The following DOCK4 variants were observed in gnomAD, a reference collection of about 807,000 sequenced individuals.
DOCK4 encodes the protein dedicator of cytokinesis 4.
A neutral mutation model predicts 268.1 loss-of-function variants in DOCK4; 97 were observed. That is an observed-to-expected ratio of 0.36 (90% CI 0.31 to 0.43). The LOEUF (loss-of-function observed/expected upper bound fraction) is 0.43. DOCK4 is among the 20% of genes least tolerant of loss of function. The pLI, the probability that DOCK4 is intolerant of heterozygous loss-of-function variation, is 1.00. For synonymous variants in DOCK4, 954 were observed against 887.2 expected, an observed-to-expected ratio of 1.08 and a Z score of -1.34; for missense variants, 2,145 against 2,455.7, an observed-to-expected ratio of 0.87 and a Z score of 2.67.
At chr7:111,800,322 TA>T (rs994621062) in intron 30 of DOCK4, among the ~76,000 whole-genome samples, 3 of 151,958 alleles carry the variant, frequency 2.0e-5, no homozygotes, top group South Asian at 4.1e-4. Flanking sequence ...GTGGAAGCTA[TA>T]AAAAAATTAA....
chr7:111,816,680 A>C lies in DOCK4; in HGVS notation c.2931-4731T>G, dbSNP rs1289637574. On this transcript the variant is annotated intron_variant, in intron 27 of 52. Coordinates refer to ENST00000428084, the MANE Select transcript of DOCK4 (RefSeq NM_001363540.2). The stretch of plus-strand genomic sequence containing the variant: ...TCTGGCCTTTTTTACCACTGCATCC[A>C]CAGGGGCAGAGACTAGTAAGTGTAT... 2.0e-5 allele frequency among the ~76,000 whole-genome samples: 3 copies of C among 152,224 alleles called. No homozygotes were observed. The East Asian group carries it at 5.8e-4, about 29-fold the overall frequency.
At chr7:111,821,350 G>T (rs980938525) in intron 27 of DOCK4, 1 of 152,222 alleles carries the variant, frequency 6.6e-6, no homozygotes, top group African/African-American at 2.4e-5. Flanking sequence ...GAGGAAGAAG[G>T]GGAAGCAGGC....
intron 34 of DOCK4, among the ~76,000 whole-genome samples, chr7:111,783,534 G>T (rs549921962): frequency 6.6e-6 from 1 of 151,522 alleles, no homozygotes; most frequent in Non-Finnish European, 1.5e-5. Context: ...GGTTCTACTG[G>T]TTCTAGGGGC....
At chr7:111,943,362 C>T (rs1398642891) in intron 10 of DOCK4, among the ~76,000 whole-genome samples, 1 of 152,202 alleles carries the variant, frequency 6.6e-6, no homozygotes, top group Non-Finnish European at 1.5e-5. Flanking sequence ...AAGGCACATA[C>T]TCACTTTGCT....
At position 111,895,697 on chromosome 7, in the gene DOCK4, T is replaced by C; in HGVS notation, c.1502A>G (p.Lys501Arg). The C allele has an allele frequency of 6.2e-7, 1 of 1,613,940 alleles. No individual in the cohort carries two copies. The highest frequency in any genetic ancestry group is 1.1e-5 in the South Asian group (1 of 91,084). The change falls in exon 16 of 53, where the codon AAG (lysine) becomes AGG (arginine). Residue 501 changes from lysine (K) to arginine (R), a missense_variant. Lys to Arg is a conservative substitution (Grantham distance 26). Transcript: ENST00000428084. Reference protein sequence around the residue: ...HCSTKEKGEKKLFGFSFVPLM... With the variant: ...HCSTKEKGEKRLFGFSFVPLM... ...AGGGACAAAAGAAAACCCAAACAAC[T>C]TCTTCTCTCCTTTCTCCTTTGCTGT...
At chr7:111,836,878 C>T (rs1803282232) in intron 25 of DOCK4, among the ~76,000 whole-genome samples, 2 of 151,968 alleles carry the variant, frequency 1.3e-5, no homozygotes, top group African/African-American at 4.8e-5. Flanking sequence ...CAGAAAAAAG[C>T]ATCAGTGAAC....
At chr7:112,071,690 C>A (rs1325754366) in intron 1 of DOCK4, among the ~76,000 whole-genome samples, 2 of 152,176 alleles carry the variant, frequency 1.3e-5, no homozygotes, top group Admixed American at 6.5e-5. Flanking sequence ...TATTTTCTAA[C>A]CTTTCAATGT....
chr7:112,161,597 T>C (rs895427567), intron 1 of DOCK4, among the ~76,000 whole-genome samples: 1 of 152,162 alleles, frequency 6.6e-6, no homozygotes, highest in Non-Finnish European at 1.5e-5. Flanking sequence ...CAGCAAATTT[T>C]TTAGGGTAGG....
At chr7:111,888,112 G>A (rs1808001160) in intron 16 of DOCK4, among the ~76,000 whole-genome samples, 1 of 151,820 alleles carries the variant, frequency 6.6e-6, no homozygotes, top group African/African-American at 2.4e-5. Flanking sequence ...AATAGCTCTT[G>A]TGAGGACTAG....
At chr7:112,021,983 T>G (rs1193947438) in intron 1 of DOCK4, among the ~76,000 whole-genome samples, 1 of 152,210 alleles carries the variant, frequency 6.6e-6, no homozygotes, top group Non-Finnish European at 1.5e-5. Context: ...TTATTTATGC[T>G]TCCGATTAAT....
intron 17 of DOCK4, 74 bp downstream of exon 17, chr7:111,876,956 T>A: frequency 1.6e-6 from 2 of 1,235,354 alleles, no homozygotes; most frequent in African/African-American, 3.1e-5. Context: ...CACTTTGGTG[T>A]TTACTGAATA....
intron 38 of DOCK4, 22 bp downstream of exon 38, chr7:111,767,010 A>T (rs549554676): frequency 1.9e-6 from 3 of 1,587,468 alleles, no homozygotes; most frequent in African/African-American, 2.7e-5. Context: ...TGGCCTGATC[A>T]GGATGCATCC....
intron 13 of DOCK4, among the ~76,000 whole-genome samples, chr7:111,912,960 A>G (rs975232468): frequency 1.3e-5 from 2 of 151,730 alleles, no homozygotes; most frequent in African/African-American, 4.8e-5. Context: ...TAGAGCATAG[A>G]AATTTCCTTT....
At chr7:112,176,700 A>G (rs1306096366) in intron 1 of DOCK4, among the ~76,000 whole-genome samples, 2 of 152,210 alleles carry the variant, frequency 1.3e-5, no homozygotes, top group African/African-American at 4.8e-5. Flanking sequence ...CTCAGTAACA[A>G]TATGGAAACT....
At chr7:112,170,885 C>T (rs1407166617) in intron 1 of DOCK4, among the ~76,000 whole-genome samples, 1 of 152,126 alleles carries the variant, frequency 6.6e-6, no homozygotes, top group Admixed American at 6.6e-5. Context: ...AAAAAAATTG[C>T]ACTTTTAGTG....
intron 1 of DOCK4, among the ~76,000 whole-genome samples, chr7:112,042,020 G>T (rs915633571): frequency 7.2e-5 from 11 of 152,158 alleles, no homozygotes; most frequent in Non-Finnish European, 1.6e-4. Context: ...AGCTACTCAG[G>T]AGGCTGAGGC....
intron 17 of DOCK4, among the ~76,000 whole-genome samples, chr7:111,874,882 A>G (rs544707688): frequency 4.5e-4 from 69 of 152,330 alleles, no homozygotes; most frequent in African/African-American, 1.5e-3. Flanking sequence ...TGAAATGCAA[A>G]TTTGCTCTAT....
intron 1 of DOCK4, among the ~76,000 whole-genome samples, chr7:112,182,765 C>T (rs1054151019): frequency 6.6e-6 from 1 of 152,252 alleles, no homozygotes; most frequent in Non-Finnish European, 1.5e-5. Context: ...TGAAAGCACA[C>T]GGCTAGGTGT....
chr7:111,938,597 T>TA (rs566892963), intron 11 of DOCK4, among the ~76,000 whole-genome samples: 3 of 152,062 alleles, frequency 2.0e-5, no homozygotes, highest in Admixed American at 1.3e-4. Context: ...CATGTGCATT[T>TA]AAAAAAATCA....
Sources: allele counts gnomAD v4.1 joint callset (sites outside exome capture counted in the v4.1 genomes callset), GRCh38; gene constraint gnomAD v4.1.1; transcripts MANE v1.5; gene names NCBI Gene and HGNC (gene_info 2026-07-23, HGNC 2026-07-21).